LIMD2: variants seen among roughly 807,000 people sequenced by gnomAD.
LIMD2 encodes LIM domain-containing protein 2.
A neutral mutation model predicts 16.0 loss-of-function variants in LIMD2; 11 were observed. The ratio of observed to expected loss-of-function variants is 0.69; its 90% confidence interval spans 0.43 to 1.14. The LOEUF is 1.14. Among genes scored for constraint, LIMD2 ranks in the 50% most tolerant of loss-of-function variants. The pLI, the probability that LIMD2 is intolerant of heterozygous loss-of-function variation, is 0.00. For missense variants in LIMD2, 168 were observed against 165.8 expected (o/e 1.01, Z -0.07); for synonymous variants, 60 against 67.1 (o/e 0.89, Z 0.52).
At chr17:63,700,318 C>T, upstream of LIMD2, 1 of 297,240 alleles carries the variant, frequency 3.4e-6, no homozygotes, top group Non-Finnish European at 5.0e-6. This position sits in a 1 kb window ranked among gnomAD's most constrained non-coding sequence, Gnocchi z 7.1. Flanking sequence ...CGGCTCCGCG[C>T]TCCCGGCTCC....
At chr17:63,699,007 C>G in intron 3 of LIMD2, 21 bp downstream of exon 3, 2 of 1,609,674 alleles carry the variant, frequency 1.2e-6, no homozygotes, top group Non-Finnish European at 1.7e-6. Context: ...TCCTCCCGCA[C>G]ACCCGGCCCC....
rs569961415 is a variant in LIMD2, at chr17:63,697,164, A to C, written c.*1388T>G. On this transcript the variant is annotated 3_prime_UTR_variant, in exon 5 of 5. Transcript: ENST00000259006. ...TTGCTCTGCTGTGAACTCATCCCTC[A>C]TTGTCCCTGGGTTTTCAGAGAAGCA... The C allele has an allele frequency of 1.3e-5, 2 of 152,216 alleles. No homozygotes were observed. Among genetic ancestry groups the C allele is most frequent in the East Asian group, 3.9e-4 (2 of 5,180 alleles). The allele number at this position is 152,216 out of a possible 1,614,324, so 9.4% of individuals were successfully genotyped here.
chr17:63,697,361 T>G lies in LIMD2; in HGVS notation c.*1191A>C, dbSNP rs1248453415. 1 of 152,266 alleles carries G rather than the reference T, an allele frequency of 6.6e-6. No homozygotes were observed. The highest frequency in any genetic ancestry group is 1.5e-5 in the Non-Finnish European group (1 of 68,070). The allele number at this position is 152,266 out of a possible 1,614,324, so 9.4% of individuals were successfully genotyped here. A position where few individuals can be genotyped will look rare whatever the true frequency, so the allele number is the denominator to read the frequency against. ...CTGGGTCTGCTGGTTACCGCCATTC[T>G]TCGCTAACTTACTTCCAGGTCAAAG... is the stretch of plus-strand genomic sequence containing the variant. On this transcript the variant is annotated 3_prime_UTR_variant, in exon 5 of 5. Coordinates refer to ENST00000259006, the MANE Select transcript of LIMD2 (RefSeq NM_030576.4).
intron 1 of LIMD2, 186 bp downstream of exon 1, chr17:63,699,846 C>A: frequency 2.0e-6 from 2 of 984,272 alleles, no homozygotes; most frequent in Non-Finnish European, 2.4e-6. Context: ...CGCCGCGAGC[C>A]CCGCCAGCGG....
Position 63,696,509 on chromosome 17 carries a change from C to T in LIMD2, c.*2043G>A, listed in dbSNP as rs1253279439. Reference sequence around the variant, plus strand: ...CTGCCCCTTTCCTCCAGTTGCCCCTCCAGGAGCTCCACTGGGGTGGTCCCA... The same window carrying T: ...CTGCCCCTTTCCTCCAGTTGCCCCTTCAGGAGCTCCACTGGGGTGGTCCCA... On this transcript the variant is annotated 3_prime_UTR_variant, in exon 5 of 5. Transcript: ENST00000259006. 6.6e-6 allele frequency: 1 copy of T among 152,464 alleles called. No homozygotes were observed. The highest frequency in any genetic ancestry group is 2.4e-5 in the African/African-American group (1 of 41,424). 9.4% of individuals were successfully genotyped at this position (152,464 alleles called of 1,614,324 possible).
Position 63,698,433 on chromosome 17 carries a change from C to T in LIMD2, c.*119G>A. The stretch of plus-strand genomic sequence containing the variant: ...AGAGCCCTGCCCTGGTCCCCTACGC[C>T]TGAGCAAGCCTCATCCCCTTCCCAC... On this transcript the variant is annotated 3_prime_UTR_variant, in exon 5 of 5. Transcript: ENST00000259006. 2 of 1,182,952 alleles carry T rather than the reference C, an allele frequency of 1.7e-6. No individual in the cohort carries two copies. The highest frequency in any genetic ancestry group is 2.6e-5 in the East Asian group (1 of 39,208). The allele number at this position is 1,182,952 out of a possible 1,614,324, so 73.3% of individuals were successfully genotyped here.
At chr17:63,699,494 C>T (rs925177442) in intron 1 of LIMD2, 146 bp from the exon 2 acceptor site, 7 of 685,154 alleles carry the variant, frequency 1.0e-5, no homozygotes, top group South Asian at 4.3e-5. Context: ...CCACTTCCGC[C>T]CCTCACCCAC....
chr17:63,698,901 G>C lies in LIMD2; in HGVS notation c.122C>G (p.Ala41Gly), dbSNP rs767177238. The C allele has an allele frequency of 1.1e-5, 18 of 1,612,818 alleles. No homozygotes were observed. The highest frequency in any genetic ancestry group is 1.4e-5 in the Non-Finnish European group (17 of 1,179,940). The change falls in exon 4 of 5, where the codon GCC (alanine) becomes GGC (glycine). Residue 41 changes from alanine to glycine, a missense_variant. Physicochemically the swap from Ala to Gly is moderately conservative, Grantham distance 60. Transcript: ENST00000259006. ...GGGGTACACGGTCTTCTGGCAGGCG[G>C]CGCAGGTCTCCTTCACCTGGGCCCG... Reference protein sequence around the residue: ...SLRAQVKETCAACQKTVYPME... With the variant: ...SLRAQVKETCGACQKTVYPME...
chr17:63,699,964 A>T, intron 1 of LIMD2, 68 bp downstream of exon 1: 2 of 981,864 alleles, frequency 2.0e-6, no homozygotes, highest in Non-Finnish European at 2.4e-6. Context: ...GGCGGCCCTC[A>T]CCCCACACCC....
Position 63,696,015 on chromosome 17 carries a change from G to A in LIMD2, c.*2537C>T, listed in dbSNP as rs1321580752. The A allele has an allele frequency of 6.6e-6, 1 of 152,618 alleles. No homozygotes were observed. Among genetic ancestry groups the A allele is most frequent in the Non-Finnish European group, 1.5e-5 (1 of 68,076 alleles). The allele number at this position is 152,618 out of a possible 1,614,324, so 9.5% of individuals were successfully genotyped here. A position where few individuals can be genotyped will look rare whatever the true frequency, so the allele number is the denominator to read the frequency against. On this transcript the variant is annotated 3_prime_UTR_variant, in exon 5 of 5. Coordinates refer to ENST00000259006, the MANE Select transcript of LIMD2 (RefSeq NM_030576.4). The stretch of plus-strand genomic sequence containing the variant: ...AGTTCCTGGCAGCCCCAGGCTTGCT[G>A]TGGGAAGGGGCCGTGCCGTCACTTT...
intron 4 of LIMD2, 30 bp from the exon 5 acceptor site, chr17:63,698,741 A>T (rs1229033620): frequency 6.5e-7 from 1 of 1,549,544 alleles, no homozygotes; most frequent in Non-Finnish European, 8.8e-7. Flanking sequence ...GCGTCAGGTC[A>T]GGTCAGGTCG....
In LIMD2 at chr17:63,699,086, G is replaced by A. The variant is rs774704378; in HGVS notation, c.43-17C>T. On this transcript the variant is annotated splice_polypyrimidine_tract_variant and intron_variant, in intron 2 of 4. Transcript: ENST00000259006. ...TTTGGCGTCCTGAGGGAGAGGGGCG[G>A]TCAGGGCAGGGGCAGCTCCGGGAGG... 2.6e-5 allele frequency: 42 copies of A among 1,599,230 alleles called. 1 individual carries two copies. In the South Asian group the frequency reaches 3.8e-4, roughly 14 times the overall value.
At position 63,698,345 on chromosome 17, in the gene LIMD2, C is replaced by T; in HGVS notation, c.*207G>A. 2 of 648,146 alleles carry T rather than the reference C, an allele frequency of 3.1e-6. No homozygotes were observed. The highest frequency in any genetic ancestry group is 2.0e-5 in the South Asian group (1 of 51,250). The allele number at this position is 648,146 out of a possible 1,614,324, so 40.1% of individuals were successfully genotyped here. Reference sequence around the variant, plus strand: ...CAGGAAGCAGGGTGGTGGGCAGACCCCAATCCTGGTTTCCAAACCCTCACC... The same window carrying T: ...CAGGAAGCAGGGTGGTGGGCAGACCTCAATCCTGGTTTCCAAACCCTCACC... On this transcript the variant is annotated 3_prime_UTR_variant, in exon 5 of 5. Transcript: ENST00000259006.
chr17:63,699,682 G>T, intron 1 of LIMD2: 1 of 334,188 alleles, frequency 3.0e-6, no homozygotes, highest in Non-Finnish European at 4.3e-6. Context: ...ATGAGAAGCC[G>T]CTGCCCCGAC....
In LIMD2 at chr17:63,698,532, G is replaced by A. The variant is rs376151488; in HGVS notation, c.*20C>T. ...CCGGCTCCAGGCCTTCCGCAGAGGG[G>A]GTGGAAGGTTACAGAGGCCTCAGGC... On this transcript the variant is annotated 3_prime_UTR_variant, in exon 5 of 5. Coordinates refer to ENST00000259006, the MANE Select transcript of LIMD2 (RefSeq NM_030576.4). The A allele has an allele frequency of 5.0e-6, 8 of 1,611,814 alleles. No individual in the cohort carries two copies. The African/African-American group carries it at 9.3e-5, about 19-fold the overall frequency.
In LIMD2 at chr17:63,698,900, G is replaced by T. The variant is rs1442349606; in HGVS notation, c.123C>A (p.Ala41=). The T allele has an allele frequency of 6.2e-7, 1 of 1,612,830 alleles. No homozygotes were observed. Among genetic ancestry groups the T allele is most frequent in the Non-Finnish European group, 8.5e-7 (1 of 1,179,932 alleles). Residue 41 remains alanine, a synonymous_variant, in exon 4 of 5, where the codon GCC becomes GCA. Transcript: ENST00000259006. The part of the protein sequence containing the change: ...SLRAQVKETC[A]ACQKTVYPME... ...TGGGGTACACGGTCTTCTGGCAGGC[G>T]GCGCAGGTCTCCTTCACCTGGGCCC...
chr17:63,698,484 A>C lies in LIMD2; in HGVS notation c.*68T>G, dbSNP rs1431359337. On this transcript the variant is annotated 3_prime_UTR_variant, in exon 5 of 5. Coordinates refer to ENST00000259006, the MANE Select transcript of LIMD2 (RefSeq NM_030576.4). ...CTGGCCCCCACGCAAGCCCAGCTCG[A>C]CCTCCTTCCCACCTTCCCCCTGCCG... The C allele has an allele frequency of 3.9e-6, 6 of 1,554,772 alleles. No individual in the cohort carries two copies. Among genetic ancestry groups the C allele is most frequent in the East Asian group, 4.6e-5 (2 of 43,116 alleles).
At chr17:63,701,034 T>G (rs573950442), upstream of LIMD2, 1 of 151,958 alleles carries the variant, frequency 6.6e-6, no homozygotes, top group Non-Finnish European at 1.5e-5. Context: ...TGACAGAGCT[T>G]GGGCCGCAGA....
Position 63,698,518 on chromosome 17 carries a change from C to A in LIMD2, c.*34G>T. On this transcript the variant is annotated 3_prime_UTR_variant, in exon 5 of 5. Transcript: ENST00000259006. ...CCACCTTCCCCCTGCCGGCTCCAGG[C>A]CTTCCGCAGAGGGGGTGGAAGGTTA... is the stretch of plus-strand genomic sequence containing the variant. 1 of 1,607,492 alleles carries A rather than the reference C, an allele frequency of 6.2e-7. No individual in the cohort carries two copies.
Sources: allele counts gnomAD v4.1 joint callset, GRCh38; gene constraint gnomAD v4.1.1; non-coding constraint Gnocchi (gnomAD v3.1); transcripts MANE v1.5; gene names NCBI Gene and HGNC (gene_info 2026-07-23, HGNC 2026-07-21).